DNAH14: variants seen among roughly 807,000 people sequenced by gnomAD.
DNAH14 encodes dynein axonemal heavy chain 14.
Under a neutral mutation model 520.9 loss-of-function variants are expected in DNAH14, and 478 were observed. The ratio of observed to expected loss-of-function variants is 0.92; its 90% CI spans 0.85 to 0.99. DNAH14 has a LOEUF of 0.99. Ranked by LOEUF, DNAH14 falls within the 50% of genes least tolerant of loss-of-function variation. DNAH14 has a pLI of 0.00. For synonymous variants in DNAH14, 1,581 were observed against 1,757.2 expected (o/e 0.90, Z 2.51); for missense variants, 4,831 against 5,234.5 (o/e 0.92, Z 2.38).
intron 37 of DNAH14, among the ~76,000 whole-genome samples, chr1:225,186,413 A>G (rs564140813): frequency 6.6e-6 from 1 of 151,968 alleles, no homozygotes; most frequent in Non-Finnish European, 1.5e-5. Flanking sequence ...TGGACTACCT[A>G]AAAAGGTCCA....
In DNAH14 at chr1:225,143,940, T is replaced by C. The variant is rs1157629245; in HGVS notation, c.4509-457T>C. Among the ~76,000 whole-genome samples, 4 of 152,222 alleles carry C rather than the reference T, an allele frequency of 2.6e-5. No individual in the cohort carries two copies. The East Asian group carries it at 5.8e-4, about 22-fold the overall frequency. On this transcript the variant is annotated intron_variant, in intron 28 of 85. Coordinates refer to ENST00000682510, the MANE Select transcript of DNAH14 (RefSeq NM_001367479.1). ...TACACAATTCACAGTGCTCATGATA[T>C]AAATACAAATCAATTTCTACAAAGT...
At chr1:225,112,998 AT>A (rs1205479628) in intron 23 of DNAH14, among the ~76,000 whole-genome samples, 4 of 151,930 alleles carry the variant, frequency 2.6e-5, no homozygotes, top group Non-Finnish European at 5.9e-5. Flanking sequence ...GGCTTATTTA[AT>A]TTATTTGGTA....
intron 74 of DNAH14, 77 bp from the exon 75 acceptor site, chr1:225,360,604 T>G (rs2095482142): frequency 7.7e-7 from 1 of 1,301,486 alleles, no homozygotes; most frequent in Non-Finnish European, 1.1e-6. Flanking sequence ...CACTACTCAA[T>G]AAATGCTGGA....
intron 36 of DNAH14, among the ~76,000 whole-genome samples, chr1:225,175,392 A>G (rs993396552): frequency 3.9e-5 from 6 of 152,080 alleles, no homozygotes; most frequent in African/African-American, 1.4e-4. Flanking sequence ...GTCCAGCAAT[A>G]TATCAGTTTC....
chr1:225,079,791 A>C (rs1209464116), intron 18 of DNAH14, among the ~76,000 whole-genome samples: 1 of 146,634 alleles, frequency 6.8e-6, no homozygotes, highest in East Asian at 2.0e-4. Flanking sequence ...CTCCTGCCTC[A>C]GCCTCCCGAG....
Position 225,207,065 on chromosome 1 carries a change from TG to T in DNAH14, c.6285del (p.Met2095IlefsTer13). 6.4e-7 allele frequency: 1 copy of T among 1,550,816 alleles called. No individual in the cohort carries two copies. The highest frequency in any genetic ancestry group is 8.7e-7 in the Non-Finnish European group (1 of 1,146,582). On this transcript the variant is annotated frameshift_variant, in exon 41 of 86. Transcript: ENST00000682510. LOFTEE classifies it high-confidence loss of function. Reference sequence around the variant, plus strand: ...TCAGGAGTGGATTGTCTTGAATTCATGATTAAAAATAGTGTCACAGACGGAC... The same window carrying T: ...TCAGGAGTGGATTGTCTTGAATTCATATTAAAAATAGTGTCACAGACGGAC... ...SQSGVDCLEF[M>X]IKNSVTDGLQ...
At chr1:224,972,539 C>A (rs1050457914) in intron 7 of DNAH14, among the ~76,000 whole-genome samples, 1 of 151,726 alleles carries the variant, frequency 6.6e-6, no homozygotes, top group African/African-American at 2.4e-5. Context: ...GATCTCGGCT[C>A]ACTGCAAGCT....
At chr1:225,012,358 C>T (rs2064845243) in intron 10 of DNAH14, among the ~76,000 whole-genome samples, 1 of 152,096 alleles carries the variant, frequency 6.6e-6, no homozygotes. Context: ...GGTAACTCAA[C>T]CTTTCTCTCT....
chr1:225,190,757 G>C (rs1254807765), intron 37 of DNAH14, among the ~76,000 whole-genome samples: 1 of 152,040 alleles, frequency 6.6e-6, no homozygotes, highest in Non-Finnish European at 1.5e-5. Context: ...TTATCAGCAA[G>C]TCAAGGATTG....
intron 79 of DNAH14, among the ~76,000 whole-genome samples, chr1:225,378,836 C>A (rs2150731999): frequency 7.0e-6 from 1 of 143,392 alleles, no homozygotes; most frequent in Non-Finnish European, 1.5e-5. Context: ...GCCAAGATAG[C>A]AACACTGCAC....
intron 12 of DNAH14, among the ~76,000 whole-genome samples, chr1:225,039,455 T>G (rs1290362379): frequency 6.6e-6 from 1 of 152,156 alleles, no homozygotes; most frequent in Non-Finnish European, 1.5e-5. Context: ...AAAATGCTTA[T>G]TACCCATCAA....
At chr1:225,091,359 A>G (rs1337687592) in intron 21 of DNAH14, among the ~76,000 whole-genome samples, 1 of 152,060 alleles carries the variant, frequency 6.6e-6, no homozygotes, top group Non-Finnish European at 1.5e-5. Context: ...TACAAAGGAA[A>G]CCCTATCAGG....
chr1:225,111,948 C>T (rs2076513462), intron 23 of DNAH14, among the ~76,000 whole-genome samples: 1 of 151,964 alleles, frequency 6.6e-6, no homozygotes, highest in African/African-American at 2.4e-5. Flanking sequence ...TTAACTTTGT[C>T]CCCCTTTTTA....
chr1:225,113,087 A>G (rs1182298115), intron 23 of DNAH14, among the ~76,000 whole-genome samples: 1 of 152,072 alleles, frequency 6.6e-6, no homozygotes, highest in Non-Finnish European at 1.5e-5. Flanking sequence ...GTAGTTTTGC[A>G]GTCTGGGCTT....
chr1:225,028,358 A>G (rs1335809765), intron 11 of DNAH14, among the ~76,000 whole-genome samples: 2 of 152,100 alleles, frequency 1.3e-5, no homozygotes, highest in East Asian at 3.9e-4. Context: ...AGTTTTGGTA[A>G]TTTATGTCTT....
chr1:225,023,973 CT>C (rs1422667237), intron 11 of DNAH14, 108 bp downstream of exon 11: 1 of 1,438,384 alleles, frequency 7.0e-7, no homozygotes, highest in Non-Finnish European at 9.1e-7. Flanking sequence ...GAAAATTCTC[CT>C]TGTGGCAGAG....
intron 10 of DNAH14, among the ~76,000 whole-genome samples, chr1:225,009,991 T>G (rs779149478): frequency 2.6e-5 from 4 of 152,234 alleles, no homozygotes; most frequent in Non-Finnish European, 5.9e-5. Flanking sequence ...TAAGGAGTTT[T>G]TGGACTGAAA....
intron 79 of DNAH14, among the ~76,000 whole-genome samples, chr1:225,379,101 C>A (rs1279574237): frequency 6.6e-6 from 1 of 152,072 alleles, no homozygotes; most frequent in Non-Finnish European, 1.5e-5. Flanking sequence ...CTCACCTAGG[C>A]CTGGACACGC....
At chr1:225,180,932 T>G (rs1235071168) in intron 36 of DNAH14, among the ~76,000 whole-genome samples, 1 of 152,200 alleles carries the variant, frequency 6.6e-6, no homozygotes, top group East Asian at 1.9e-4. Context: ...ATCCAGATAG[T>G]GAACATAGTA....
Sources: gnomAD v4.1 joint callset for allele counts (sites outside exome capture counted in the v4.1 genomes callset) on GRCh38, gnomAD v4.1.1 for gene constraint, MANE v1.5 for transcripts, NCBI Gene and HGNC (gene_info 2026-07-23, HGNC 2026-07-21) for gene names.